Variants in ATRNL1 observed in about 807,000 individuals in gnomAD.
ATRNL1 encodes attractin like 1, also known as attractin-like protein 1.
Under a neutral mutation model 182.7 loss-of-function variants are expected in ATRNL1, and 95 were observed. The ratio of observed to expected loss-of-function variants is 0.52; its 90% CI spans 0.44 to 0.62. The LOEUF (loss-of-function observed/expected upper bound fraction) is 0.62, where lower values mean the gene tolerates loss of function less well. ATRNL1 is among the 20% of genes least tolerant of loss of function. ATRNL1 has a pLI of 0.00. For synonymous variants in ATRNL1, 576 were observed against 568.3 expected (o/e 1.01, Z -0.19); for missense variants, 1,471 against 1,679.5 (o/e 0.88, Z 2.17).
chr10:115,784,041 T>C (rs1555079896), intron 27 of ATRNL1, among the ~76,000 whole-genome samples: 1 of 152,082 alleles, frequency 6.6e-6, no homozygotes, highest in Non-Finnish European at 1.5e-5. Flanking sequence ...ACAAAAATGA[T>C]TCGGAGTCAG....
At chr10:115,162,606 C>T (rs374505737) in intron 6 of ATRNL1, among the ~76,000 whole-genome samples, 9 of 150,412 alleles carry the variant, frequency 6.0e-5, no homozygotes, top group East Asian at 3.9e-4. Flanking sequence ...GTTACCATGG[C>T]GGTTTATTGA....
chr10:115,440,457 A>C (rs1554965495), intron 21 of ATRNL1, among the ~76,000 whole-genome samples: 1 of 151,908 alleles, frequency 6.6e-6, no homozygotes, highest in African/African-American at 2.4e-5. Flanking sequence ...TGAAATACCA[A>C]ATTCAAATAT....
In ATRNL1 at chr10:115,160,211, T is replaced by C. The variant is rs782535012; in HGVS notation, c.1001T>C (p.Leu334Pro). 6.3e-7 allele frequency: 1 copy of C among 1,596,360 alleles called. No homozygotes were observed. The highest frequency in any genetic ancestry group is 8.5e-7 in the Non-Finnish European group (1 of 1,170,532). ...AACTACAGTTCTTTTCAAATGGTCC[T>C]AAAGTAAGTATTTATTTTCAGATTC... The part of the protein sequence containing the change: ...TFNYSSFQMV[L>P]NYNLESSIWN... Residue 334 changes from leucine (L) to proline (P), a missense_variant, in exon 6 of 29, where the codon CTA becomes CCA. By Grantham distance (98) the Leu-to-Pro change is moderately conservative. This residue lies in a region of ATRNL1 where 1,031 missense variants were observed against 1,156.0 expected (regional missense o/e 0.89). Transcript: ENST00000355044.
chr10:115,548,042 G>C (rs536241271), intron 25 of ATRNL1, among the ~76,000 whole-genome samples: 3 of 152,284 alleles, frequency 2.0e-5, no homozygotes, highest in African/African-American at 7.2e-5. Flanking sequence ...AGAGCTGCCA[G>C]CATATGGAAA....
At position 115,120,177 on chromosome 10, in the gene ATRNL1, T is replaced by C; in HGVS notation, c.294-8T>C. On this transcript the variant is annotated splice_region_variant and splice_polypyrimidine_tract_variant and intron_variant, in intron 1 of 28. Transcript: ENST00000355044. ...TAATTATTTTCATTATTTTATTTTC[T>C]CTTCCAGGTTAACAGAACCTTCTGG... 2 of 1,443,080 alleles carry C rather than the reference T, an allele frequency of 1.4e-6. No homozygotes were observed. Among genetic ancestry groups the C allele is most frequent in the Non-Finnish European group, 1.9e-6 (2 of 1,033,380 alleles). The allele number at this position is 1,443,080 out of a possible 1,614,324, so 89.4% of individuals were successfully genotyped here. A position where few individuals can be genotyped will look rare whatever the true frequency, so the allele number is the denominator to read the frequency against.
chr10:115,594,674 T>C (rs1012165170), intron 26 of ATRNL1, among the ~76,000 whole-genome samples: 3 of 152,158 alleles, frequency 2.0e-5, no homozygotes, highest in Admixed American at 1.3e-4. Context: ...CTGCTTAATT[T>C]TTGTGTTTTT....
At chr10:115,511,145 A>T (rs1239067650) in intron 24 of ATRNL1, among the ~76,000 whole-genome samples, 1 of 151,654 alleles carries the variant, frequency 6.6e-6, no homozygotes, top group Non-Finnish European at 1.5e-5. Flanking sequence ...ACAATTGTCT[A>T]TTTTCTGTGT....
chr10:115,579,278 G>A (rs1309220209), intron 26 of ATRNL1, among the ~76,000 whole-genome samples: 2 of 151,622 alleles, frequency 1.3e-5, no homozygotes, highest in African/African-American at 4.8e-5. Flanking sequence ...ATCCATTATT[G>A]AAAGTGTAGT....
intron 27 of ATRNL1, among the ~76,000 whole-genome samples, chr10:115,804,650 T>G (rs1486440707): frequency 6.6e-6 from 1 of 152,186 alleles, no homozygotes; most frequent in Non-Finnish European, 1.5e-5. Context: ...TATGATAGCC[T>G]GAACTGACGG....
At chr10:115,783,226 CCA>C (rs56301408) in intron 27 of ATRNL1, among the ~76,000 whole-genome samples, 4,312 of 150,120 alleles carry the variant, frequency 0.029, 80 homozygotes, top group African/African-American at 0.05. Context: ...CTATATGATG[CCA>C]CACACACACA....
intron 26 of ATRNL1, among the ~76,000 whole-genome samples, chr10:115,711,481 A>G (rs1341143781): frequency 6.6e-6 from 1 of 152,188 alleles, no homozygotes; most frequent in Admixed American, 6.6e-5. Flanking sequence ...CCTCATCAAA[A>G]TTAGGAATGG....
chr10:115,312,955 A>G (rs1266723469), intron 17 of ATRNL1, among the ~76,000 whole-genome samples: 2 of 152,066 alleles, frequency 1.3e-5, no homozygotes, highest in African/African-American at 4.8e-5. Flanking sequence ...GCAATTTTCT[A>G]AATGTGCCTT....
intron 26 of ATRNL1, among the ~76,000 whole-genome samples, chr10:115,629,077 T>C (rs1405307325): frequency 1.3e-5 from 2 of 152,192 alleles, no homozygotes; most frequent in African/African-American, 4.8e-5. Flanking sequence ...TGTTTTTCTT[T>C]ACAAATATTT....
intron 18 of ATRNL1, among the ~76,000 whole-genome samples, chr10:115,326,118 C>G (rs1385703905): frequency 2.6e-5 from 4 of 152,012 alleles, no homozygotes; most frequent in African/African-American, 7.3e-5. Flanking sequence ...AAACGGTGTT[C>G]AATTAGGAAA....
chr10:115,916,371 T>A (rs1277262193), intron 28 of ATRNL1, among the ~76,000 whole-genome samples: 4 of 152,214 alleles, frequency 2.6e-5, no homozygotes, highest in Non-Finnish European at 4.4e-5. Context: ...ACACATCAAG[T>A]CAAGTCAATA....
At chr10:115,522,398 T>C (rs1554985475) in intron 25 of ATRNL1, among the ~76,000 whole-genome samples, 1 of 151,954 alleles carries the variant, frequency 6.6e-6, no homozygotes, top group African/African-American at 2.4e-5. Context: ...AACAGCCAGC[T>C]CTCTTGGGAA....
At chr10:115,492,357 C>CAAT (rs1255269459) in intron 24 of ATRNL1, among the ~76,000 whole-genome samples, 7 of 152,070 alleles carry the variant, frequency 4.6e-5, no homozygotes, top group African/African-American at 1.7e-4. Flanking sequence ...TTATAACTGA[C>CAAT]AATTTACTTA....
chr10:115,620,848 A>G (rs1187656473), intron 26 of ATRNL1, among the ~76,000 whole-genome samples: 3 of 152,244 alleles, frequency 2.0e-5, no homozygotes, highest in East Asian at 1.9e-4. Flanking sequence ...AATTTTAGAC[A>G]TGAGACATTA....
At chr10:115,821,613 A>C (rs1301442374) in intron 27 of ATRNL1, among the ~76,000 whole-genome samples, 1 of 152,186 alleles carries the variant, frequency 6.6e-6, no homozygotes, top group Non-Finnish European at 1.5e-5. Context: ...TTGGAAAGCA[A>C]AAAAAGCAAG....
Sources: gnomAD v4.1 joint callset for allele counts (sites outside exome capture counted in the v4.1 genomes callset) on GRCh38, gnomAD v4.1.1 for gene constraint, gnomAD v4.1.1 regional missense constraint, MANE v1.5 for transcripts, NCBI Gene and HGNC (gene_info 2026-07-23, HGNC 2026-07-21) for gene names.